Variants in LARP1B observed in about 807,000 individuals in gnomAD.
LARP1B encodes La ribonucleoprotein 1B, also known as la-related protein 1B.
A neutral mutation model predicts 114.2 loss-of-function variants in LARP1B; 76 were observed. That is an observed-to-expected ratio of 0.67 (90% CI 0.55 to 0.81). The LOEUF is 0.81. Ranked by LOEUF, LARP1B falls within the 30% of genes least tolerant of loss-of-function variation. The pLI, the probability that LARP1B is intolerant of heterozygous loss-of-function variation, is 0.00. For synonymous variants in LARP1B, 345 were observed against 348.0 expected, an observed-to-expected ratio of 0.99 and a Z score of 0.10; for missense variants, 1,014 against 1,075.8, an observed-to-expected ratio of 0.94 and a Z score of 0.80.
chr4:128,114,534 TATC>T, intron 9 of LARP1B, 33 bp from the exon 10 acceptor site: 1 of 1,473,450 alleles, frequency 6.8e-7, no homozygotes, highest in South Asian at 1.2e-5. Flanking sequence ...GAAAAGCCAT[TATC>T]ATTTTAACTA....
chr4:128,072,749 G>T (rs1469684832), intron 1 of LARP1B, among the ~76,000 whole-genome samples: 1 of 151,870 alleles, frequency 6.6e-6, no homozygotes, highest in Non-Finnish European at 1.5e-5. Context: ...TAGAGATGGG[G>T]TTTCGTCATT....
At chr4:128,064,447 A>G (rs1431702071) in intron 1 of LARP1B, among the ~76,000 whole-genome samples, 1 of 152,186 alleles carries the variant, frequency 6.6e-6, no homozygotes, top group Non-Finnish European at 1.5e-5. Context: ...TTGCAGAAAA[A>G]AAGTTTGCTC....
In LARP1B at chr4:128,220,635, C is replaced by T. The variant is rs116654197; in HGVS notation, n.934+195C>T. Among the ~76,000 whole-genome samples the T allele has an allele frequency of 4.2e-3, 638 of 152,284 alleles. 5 individuals carry two copies. Among genetic ancestry groups the T allele is most frequent in the African/African-American group, 0.015 (613 of 41,552 alleles). On this transcript the variant is annotated intron_variant and non_coding_transcript_variant, in intron 7 of 7. Transcript: ENST00000503725. Reference sequence around the variant, plus strand: ...GTAAATATATATGATAACATTAAGACTTGTGTATAGTTAAAAATGGAAATA... The same window carrying T: ...GTAAATATATATGATAACATTAAGATTTGTGTATAGTTAAAAATGGAAATA...
intron 9 of LARP1B, chr4:128,107,870 A>C (rs753576088): frequency 7.9e-5 from 122 of 1,535,718 alleles, no homozygotes; most frequent in Non-Finnish European, 1.0e-4. Flanking sequence ...ATGTGTGCTT[A>C]AACTTTTTTC....
chr4:128,100,790 A>ATTTTC (rs528810673), intron 8 of LARP1B, among the ~76,000 whole-genome samples: 1 of 144,870 alleles, frequency 6.9e-6, no homozygotes, highest in Non-Finnish European at 1.5e-5. Context: ...TTGTCTTTTC[A>ATTTTC]TTTTCTTTTC....
At chr4:128,182,431 A>G (rs962314016) in intron 15 of LARP1B, among the ~76,000 whole-genome samples, 1 of 151,972 alleles carries the variant, frequency 6.6e-6, no homozygotes, top group Non-Finnish European at 1.5e-5. Flanking sequence ...TTTTATGGTG[A>G]TCTGTGATTA....
intron 12 of LARP1B, among the ~76,000 whole-genome samples, chr4:128,174,175 T>C (rs146592894): frequency 9.2e-5 from 14 of 152,258 alleles, no homozygotes; most frequent in African/African-American, 3.1e-4. Context: ...GACATTTGGA[T>C]TGTTTCTAGT....
At position 128,122,135 on chromosome 4, in the gene LARP1B, T is replaced by C. The variant is rs1788148440; in HGVS notation, c.1471T>C (p.Tyr491His). The C allele has an allele frequency of 3.1e-6, 5 of 1,614,066 alleles. No homozygotes were observed. Among genetic ancestry groups the C allele is most frequent in the Non-Finnish European group, 4.2e-6 (5 of 1,179,964 alleles). Reference protein sequence around the residue: ...AKVINDGLYYYEQDLWMEEDE... With the variant: ...AKVINDGLYYHEQDLWMEEDE... ...AGTTATCAATGATGGCTTATACTAT[T>C]ATGAACAGGATCTATGGATGGAAGA... Residue 491 changes from tyrosine to histidine, a missense_variant, in exon 11 of 20, where the codon TAT (tyrosine) becomes CAT (histidine). Physicochemically the swap from Tyr to His is moderately conservative, Grantham distance 83. Transcript: ENST00000326639.
chr4:128,070,448 G>A (rs1428104621), intron 1 of LARP1B, among the ~76,000 whole-genome samples: 1 of 152,040 alleles, frequency 6.6e-6, no homozygotes, highest in Non-Finnish European at 1.5e-5. Flanking sequence ...ATCACCTGAG[G>A]TCAGGAGTTC....
At chr4:128,216,674 T>A (rs1475557467), downstream of LARP1B, among the ~76,000 whole-genome samples, 1 of 149,528 alleles carries the variant, frequency 6.7e-6, no homozygotes, top group Non-Finnish European at 1.5e-5. Flanking sequence ...TAGCACTAAA[T>A]GCCTACAAGA....
chr4:128,128,467 T>C (rs1398385811), intron 11 of LARP1B, among the ~76,000 whole-genome samples: 1 of 152,194 alleles, frequency 6.6e-6, no homozygotes, highest in Non-Finnish European at 1.5e-5. Context: ...TAGCCTACCT[T>C]AAACATGCTC....
At chr4:128,090,900 G>A (rs988963927) in intron 5 of LARP1B, 101 bp from the exon 6 acceptor site, 15 of 851,656 alleles carry the variant, frequency 1.8e-5, no homozygotes, top group Non-Finnish European at 2.7e-5. Context: ...CTGTTCATTA[G>A]TTACAAAGTG....
At chr4:128,104,598 C>G (rs2149768756) in intron 8 of LARP1B, among the ~76,000 whole-genome samples, 1 of 152,214 alleles carries the variant, frequency 6.6e-6, no homozygotes, top group Admixed American at 6.5e-5. Flanking sequence ...GCACCCACCA[C>G]CAAGCCTGGC....
At position 128,206,432 on chromosome 4, in the gene LARP1B, G is replaced by T; in HGVS notation, c.2314G>T (p.Gly772Trp). 6.3e-7 allele frequency: 1 copy of T among 1,582,902 alleles called. No homozygotes were observed. The highest frequency in any genetic ancestry group is 8.6e-7 in the Non-Finnish European group (1 of 1,160,074). Residue 772 changes from glycine to tryptophan, a missense_variant, in exon 18 of 20, where the codon GGG (glycine) becomes TGG (tryptophan). Coordinates refer to ENST00000326639, the MANE Select transcript of LARP1B (RefSeq NM_018078.4). ...CCTTTTATTTTCTCTTTATAGGTAT[G>T]GGTTAGAATGTCTGTTCAGGTTTTA... ...WEDAKENYRY[G>W]LECLFRFYSY... is the part of the protein sequence containing the mutation.
intron 15 of LARP1B, among the ~76,000 whole-genome samples, chr4:128,179,772 G>T (rs1000930396): frequency 1.3e-5 from 2 of 152,116 alleles, no homozygotes; most frequent in Non-Finnish European, 2.9e-5. Flanking sequence ...GTAGGTCTAT[G>T]AAAGTTATTA....
chr4:128,150,492 T>C (rs1353272873), intron 11 of LARP1B, among the ~76,000 whole-genome samples: 2 of 152,090 alleles, frequency 1.3e-5, no homozygotes, highest in Non-Finnish European at 2.9e-5. Context: ...AGTGTCTCAC[T>C]GTGTTGCTCA....
At chr4:128,070,488 C>G (rs567999013) in intron 1 of LARP1B, among the ~76,000 whole-genome samples, 3 of 151,428 alleles carry the variant, frequency 2.0e-5, no homozygotes, top group African/African-American at 7.3e-5. Context: ...TGGTGAAACC[C>G]TCTCTCTACT....
At chr4:128,074,402 T>C (rs1320779595) in intron 1 of LARP1B, 58 bp from the exon 2 acceptor site, 3 of 285,188 alleles carry the variant, frequency 1.1e-5, no homozygotes, top group African/African-American at 2.3e-5. Context: ...ATAATAGTTA[T>C]TTTGTTGAAT....
At chr4:128,150,511 T>G (rs1212281426) in intron 11 of LARP1B, among the ~76,000 whole-genome samples, 11 of 152,158 alleles carry the variant, frequency 7.2e-5, no homozygotes, top group Non-Finnish European at 4.4e-5. Flanking sequence ...CATGCTGGTC[T>G]TGAATTCCTG....
Sources: gnomAD v4.1 joint callset for allele counts (sites outside exome capture counted in the v4.1 genomes callset) on GRCh38, gnomAD v4.1.1 for gene constraint, MANE v1.5 for transcripts, NCBI Gene and HGNC (gene_info 2026-07-23, HGNC 2026-07-21) for gene names.